GALNT8: variants seen among roughly 807,000 people sequenced by gnomAD.
GALNT8 encodes the protein polypeptide N-acetylgalactosaminyltransferase 8, also known as probable polypeptide N-acetylgalactosaminyltransferase 8.
GALNT8 carries 66 observed loss-of-function variants against 62.7 expected under a neutral mutation model. The ratio of observed to expected loss-of-function variants is 1.05; its 90% CI spans 0.86 to 1.29. GALNT8 has a LOEUF of 1.29. Among genes scored for constraint, GALNT8 ranks in the 50% most tolerant of loss-of-function variants. The pLI is 0.00. For missense variants in GALNT8, 771 were observed against 791.8 expected (o/e 0.97, Z 0.32); for synonymous variants, 288 against 294.3 (o/e 0.98, Z 0.22).
chr12:4,740,364 A>C (rs1946266719), intron 3 of GALNT8, among the ~76,000 whole-genome samples: 1 of 152,150 alleles, frequency 6.6e-6, no homozygotes. Context: ...TATAGTGAGA[A>C]TTAAATGAGA....
At chr12:4,770,748 G>A (rs1946420622) in intron 10 of GALNT8, among the ~76,000 whole-genome samples, 1 of 152,160 alleles carries the variant, frequency 6.6e-6, no homozygotes, top group Non-Finnish European at 1.5e-5. Context: ...CTTAACCACT[G>A]TGTGCTATTG....
At chr12:4,757,475 G>A (rs548796301) in intron 6 of GALNT8, among the ~76,000 whole-genome samples, 8 of 152,318 alleles carry the variant, frequency 5.3e-5, no homozygotes, top group Admixed American at 1.3e-4. Flanking sequence ...GTTCAGGATT[G>A]ATATGGCAGC....
At chr12:4,744,209 A>G (rs761561028) in intron 3 of GALNT8, among the ~76,000 whole-genome samples, 30 of 152,196 alleles carry the variant, frequency 2.0e-4, no homozygotes, top group Non-Finnish European at 2.9e-5. Flanking sequence ...CTGTCCACTC[A>G]TTCTCTCAAG....
At chr12:4,758,645 A>AG (rs1946357341) in intron 6 of GALNT8, among the ~76,000 whole-genome samples, 1 of 95,350 alleles carries the variant, frequency 1.0e-5, no homozygotes, top group African/African-American at 3.7e-5. Context: ...TGTGAGAGAG[A>AG]GAGAGAGAGA....
chr12:4,733,487 C>T (rs539625519), intron 2 of GALNT8, among the ~76,000 whole-genome samples: 2 of 152,176 alleles, frequency 1.3e-5, no homozygotes, highest in Admixed American at 1.3e-4. Flanking sequence ...GGAAACAGGG[C>T]AGAGGAGAGA....
intron 10 of GALNT8, among the ~76,000 whole-genome samples, chr12:4,766,006 C>T (rs2018895): frequency 0.52 from 79,631 of 152,014 alleles, 21,405 homozygotes; most frequent in Non-Finnish European, 0.59. Flanking sequence ...TTCCTGACTT[C>T]GTGATCCGCC....
At chr12:4,769,129 G>T (rs1290205475) in intron 10 of GALNT8, among the ~76,000 whole-genome samples, 1 of 152,172 alleles carries the variant, frequency 6.6e-6, no homozygotes, top group African/African-American at 2.4e-5. Flanking sequence ...TTTGGAGAAG[G>T]TCATCCATCT....
intron 6 of GALNT8, among the ~76,000 whole-genome samples, chr12:4,758,214 C>G (rs1946353803): frequency 1.3e-5 from 2 of 151,988 alleles, no homozygotes; most frequent in African/African-American, 4.8e-5. Context: ...TTTAAAACAT[C>G]TAAGTACTTA....
intron 10 of GALNT8, among the ~76,000 whole-genome samples, chr12:4,770,474 G>C (rs1386036703): frequency 2.0e-5 from 3 of 151,998 alleles, no homozygotes; most frequent in Non-Finnish European, 1.5e-5. Context: ...CACTGACTTT[G>C]TCTAAAAGGT....
At chr12:4,758,633 TGTGTGAGAGAGAGAGAGAGAGA>T (rs1400569043) in intron 6 of GALNT8, among the ~76,000 whole-genome samples, 13 of 79,910 alleles carry the variant, frequency 1.6e-4, no homozygotes, top group African/African-American at 5.2e-4. Context: ...TGTGTGTGTG[TGTGTGAGAGAGAGAGAGAGAGA>T]GAGAGAGAGA....
intron 2 of GALNT8, among the ~76,000 whole-genome samples, chr12:4,728,802 TTTC>T (rs1218283009): frequency 2.6e-5 from 4 of 152,182 alleles, no homozygotes; most frequent in African/African-American, 4.8e-5. Context: ...ATCTTCCAAC[TTTC>T]TTCTTCTTTC....
intron 2 of GALNT8, among the ~76,000 whole-genome samples, chr12:4,735,928 C>T (rs1656954617): frequency 6.6e-6 from 1 of 152,090 alleles, no homozygotes; most frequent in Admixed American, 6.5e-5. Flanking sequence ...ATAAAGAATT[C>T]CAGCTCAATG....
intron 2 of GALNT8, among the ~76,000 whole-genome samples, chr12:4,736,971 A>G (rs1325719330): frequency 2.0e-5 from 3 of 152,200 alleles, no homozygotes; most frequent in African/African-American, 7.2e-5. Flanking sequence ...CATTAAAGGA[A>G]GGTTATAATG....
Position 4,726,447 on chromosome 12 carries a change from G to A in GALNT8, c.212-85G>A. On this transcript the variant is annotated intron_variant, in intron 1 of 10. Transcript: ENST00000252318. This position sits in a 1 kb window ranked among gnomAD's most constrained non-coding sequence, Gnocchi z 4.1. ...AAGATGTAGTGGGTAAACCGTTAGA[G>A]GAAATTAGGATGGAAAGGAATACCC... The A allele has an allele frequency of 1.1e-6, 1 of 915,398 alleles. No individual in the cohort carries two copies. The highest frequency in any genetic ancestry group is 1.7e-6 in the Non-Finnish European group (1 of 593,086). 56.7% of individuals were successfully genotyped at this position (915,398 alleles called of 1,614,324 possible).
chr12:4,758,645 A>T (rs991036766), intron 6 of GALNT8, among the ~76,000 whole-genome samples: 4 of 95,432 alleles, frequency 4.2e-5, no homozygotes, highest in East Asian at 3.7e-4. Context: ...TGTGAGAGAG[A>T]GAGAGAGAGA....
At chr12:4,757,183 C>T (rs1040742543) in intron 6 of GALNT8, among the ~76,000 whole-genome samples, 1 of 152,172 alleles carries the variant, frequency 6.6e-6, no homozygotes, top group African/African-American at 2.4e-5. Flanking sequence ...AACCTCTTTC[C>T]TATAAGTTAC....
At chr12:4,741,321 T>G (rs572965712) in intron 3 of GALNT8, among the ~76,000 whole-genome samples, 1 of 152,194 alleles carries the variant, frequency 6.6e-6, no homozygotes, top group Non-Finnish European at 1.5e-5. Flanking sequence ...AAAATTCCGC[T>G]GAAAACCAAA....
intron 3 of GALNT8, among the ~76,000 whole-genome samples, chr12:4,742,607 G>A (rs893195673): frequency 6.6e-6 from 1 of 152,220 alleles, no homozygotes; most frequent in African/African-American, 2.4e-5. Flanking sequence ...AAAGCACGGT[G>A]TGGGGGTGTG....
chr12:4,723,769 T>TTTTTTTTTTTTTTTTTTA (rs1946181673), intron 1 of GALNT8, among the ~76,000 whole-genome samples: 1 of 150,430 alleles, frequency 6.6e-6, no homozygotes. Flanking sequence ...TTTTTTTTTT[T>TTTTTTTTTTTTTTTTTTA]CCACAGAGCT....
Sources: gnomAD v4.1 joint callset for allele counts (sites outside exome capture counted in the v4.1 genomes callset) on GRCh38, gnomAD v4.1.1 for gene constraint, Gnocchi (gnomAD v3.1) non-coding constraint, MANE v1.5 for transcripts, NCBI Gene and HGNC (gene_info 2026-07-23, HGNC 2026-07-21) for gene names.